Variants in CD226 observed in about 807,000 individuals in gnomAD.
The protein encoded by CD226 is CD226 antigen.
In CD226, 24 loss-of-function variants were observed where a neutral mutation model predicts 34.9. That is an observed-to-expected ratio of 0.69 (90% CI 0.50 to 0.97). CD226 has a LOEUF of 0.97. Among genes scored for constraint, CD226 ranks in the 50% least tolerant of loss-of-function variants. The probability of loss-of-function intolerance (pLI) is 0.00; values close to 1 mark genes in which losing one functional copy is unlikely to be tolerated. For missense variants in CD226, 397 were observed against 412.7 expected, an observed-to-expected ratio of 0.96 and a Z score of 0.33; for synonymous variants, 148 against 147.4, an observed-to-expected ratio of 1.00 and a Z score of -0.03.
Position 69,859,158 on chromosome 18 carries a change from T to A in CD226, c.*5156A>T, listed in dbSNP as rs771426927. On this transcript the variant is annotated 3_prime_UTR_variant, in exon 6 of 6. Coordinates refer to ENST00000582621, the MANE Select transcript of CD226 (RefSeq NM_001303618.2). ...TAGAGTGGATTCTAGGTTTCATGTATTCCTCCCCCTTTTTCTGGATGAAGG... is the reference window on the plus strand; with the variant it reads ...TAGAGTGGATTCTAGGTTTCATGTAATCCTCCCCCTTTTTCTGGATGAAGG... 1 of 152,172 alleles carries A rather than the reference T, an allele frequency of 6.6e-6. No individual in the cohort carries two copies. Among genetic ancestry groups the A allele is most frequent in the African/African-American group, 2.4e-5 (1 of 41,446 alleles). 9.4% of individuals were successfully genotyped at this position (152,172 alleles called of 1,614,324 possible).
chr18:69,912,852 G>C (rs1334775757), intron 2 of CD226, among the ~76,000 whole-genome samples: 1 of 152,040 alleles, frequency 6.6e-6, no homozygotes, highest in Non-Finnish European at 1.5e-5. Context: ...TCAGTCTTTG[G>C]ATCTAATCAC....
chr18:69,922,823 A>C (rs1397326746), intron 2 of CD226, among the ~76,000 whole-genome samples: 3 of 152,162 alleles, frequency 2.0e-5, no homozygotes, highest in African/African-American at 7.2e-5. Flanking sequence ...GCATGAGAGC[A>C]GTTTTGAAAA....
intron 3 of CD226, among the ~76,000 whole-genome samples, chr18:69,895,102 C>T (rs1985188782): frequency 6.6e-6 from 1 of 152,080 alleles, no homozygotes; most frequent in African/African-American, 2.4e-5. Flanking sequence ...CCTGAGGATC[C>T]CTGTGTCCCT....
chr18:69,909,828 A>G (rs1334615349), intron 2 of CD226, among the ~76,000 whole-genome samples: 7 of 152,266 alleles, frequency 4.6e-5, no homozygotes, highest in Non-Finnish European at 1.0e-4. Flanking sequence ...GTAAAGCATT[A>G]CATATGTGAA....
chr18:69,930,797 C>T (rs1234345603), intron 2 of CD226, among the ~76,000 whole-genome samples: 1 of 152,186 alleles, frequency 6.6e-6, no homozygotes, highest in Non-Finnish European at 1.5e-5. Flanking sequence ...TCCCATAGTA[C>T]AGGTGCTCCA....
chr18:69,901,804 G>A (rs1041890587), intron 2 of CD226, among the ~76,000 whole-genome samples: 5 of 151,782 alleles, frequency 3.3e-5, no homozygotes, highest in African/African-American at 7.3e-5. Flanking sequence ...GCGTGAACCC[G>A]GGAGGCAGAG....
In CD226 at chr18:69,907,433, G is replaced by A. The variant is rs1490658761; in HGVS notation, c.383-11388C>T. 8.5e-5 allele frequency among the ~76,000 whole-genome samples: 13 copies of A among 152,174 alleles called. No individual in the cohort carries two copies. In the East Asian group the frequency reaches 2.3e-3, roughly 27 times the overall value. On this transcript the variant is annotated intron_variant, in intron 2 of 5. Coordinates refer to ENST00000582621, the MANE Select transcript of CD226 (RefSeq NM_001303618.2). ...AGCAATTCTGCTGCCTCAGCCTCCC[G>A]AGTAACTGGGATTACAGGCACACAC...
At chr18:69,920,742 C>T (rs2145308524) in intron 2 of CD226, among the ~76,000 whole-genome samples, 1 of 152,220 alleles carries the variant, frequency 6.6e-6, no homozygotes, top group East Asian at 1.9e-4. Context: ...TATTATGACT[C>T]TCATTTTAAA....
At chr18:69,914,804 T>G (rs184432245) in intron 2 of CD226, among the ~76,000 whole-genome samples, 2 of 152,326 alleles carry the variant, frequency 1.3e-5, no homozygotes, top group East Asian at 3.9e-4. Flanking sequence ...GTCAAAGGAA[T>G]TAAAATCAAT....
upstream of CD226, among the ~76,000 whole-genome samples, chr18:69,949,483 C>T (rs17081919): frequency 0.054 from 8,160 of 152,200 alleles, 733 homozygotes; most frequent in African/African-American, 0.19. Flanking sequence ...AAATGCCGGG[C>T]TAAACCAAGT....
chr18:69,886,434 A>G (rs1170611240), intron 3 of CD226, among the ~76,000 whole-genome samples: 2 of 152,194 alleles, frequency 1.3e-5, no homozygotes, highest in Non-Finnish European at 2.9e-5. Flanking sequence ...GACCAGGTGC[A>G]GTGGCTCACG....
At chr18:69,896,233 G>A in intron 2 of CD226, 188 bp from the exon 3 acceptor site, 1 of 799,050 alleles carries the variant, frequency 1.3e-6, no homozygotes, top group East Asian at 1.3e-4. Context: ...CCAGACTAGA[G>A]TGCAGTGGTG....
At chr18:69,913,506 ACT>A (rs904103354) in intron 2 of CD226, among the ~76,000 whole-genome samples, 1 of 152,194 alleles carries the variant, frequency 6.6e-6, no homozygotes, top group African/African-American at 2.4e-5. Context: ...GCCTAAAGCA[ACT>A]CTAGAATTTT....
Position 69,860,215 on chromosome 18 carries a change from C to T in CD226, c.*4099G>A, listed in dbSNP as rs1480092655. On this transcript the variant is annotated 3_prime_UTR_variant, in exon 6 of 6. Coordinates refer to ENST00000582621, the MANE Select transcript of CD226 (RefSeq NM_001303618.2). ...ATTTTTCCCTGCTATTTCTCCATGG[C>T]AAATGAAAGTAGTGATCGTGAAACA... 1 of 152,136 alleles carries T rather than the reference C, an allele frequency of 6.6e-6. No individual in the cohort carries two copies. Among genetic ancestry groups the T allele is most frequent in the African/African-American group, 2.4e-5 (1 of 41,446 alleles). The allele number at this position is 152,136 out of a possible 1,614,324, so 9.4% of individuals were successfully genotyped here.
chr18:69,955,555 G>T (rs1414135333), intron 1 of CD226, among the ~76,000 whole-genome samples: 1 of 152,112 alleles, frequency 6.6e-6, no homozygotes. Flanking sequence ...GCTGTTAAGA[G>T]GCTCATACTT....
At chr18:69,925,574 C>G (rs2055510741) in intron 2 of CD226, among the ~76,000 whole-genome samples, 1 of 152,108 alleles carries the variant, frequency 6.6e-6, no homozygotes, top group Admixed American at 6.5e-5. Flanking sequence ...CCCTTTCTCA[C>G]TCATCCAATC....
chr18:69,887,027 T>C (rs1172875423), intron 3 of CD226, among the ~76,000 whole-genome samples: 4 of 152,186 alleles, frequency 2.6e-5, no homozygotes, highest in African/African-American at 9.6e-5. Context: ...ACCCATCTCA[T>C]CTCTCTTTTT....
At chr18:69,945,218 G>C (rs1201217256) in intron 2 of CD226, among the ~76,000 whole-genome samples, 6 of 152,152 alleles carry the variant, frequency 3.9e-5, no homozygotes, top group Non-Finnish European at 5.9e-5. Flanking sequence ...GAAATAATAA[G>C]ATGTATCATT....
In CD226 at chr18:69,854,846, A is replaced by C. The variant is rs927481328; in HGVS notation, c.*9468T>G. ...CTTAGTACTACACCAACAGGGCTCC[A>C]GTATAGTAACAGTGAATTGCAGAGG... On this transcript the variant is annotated 3_prime_UTR_variant, in exon 6 of 6. Coordinates refer to ENST00000582621, the MANE Select transcript of CD226 (RefSeq NM_001303618.2). The C allele has an allele frequency of 6.6e-6, 1 of 152,320 alleles. No individual in the cohort carries two copies. Among genetic ancestry groups the C allele is most frequent in the Admixed American group, 6.5e-5 (1 of 15,286 alleles). The allele number at this position is 152,320 out of a possible 1,614,324, so 9.4% of individuals were successfully genotyped here. A position where few individuals can be genotyped will look rare whatever the true frequency, so the allele number is the denominator to read the frequency against.
Sources: gnomAD v4.1 joint callset for allele counts (sites outside exome capture counted in the v4.1 genomes callset) on GRCh38, gnomAD v4.1.1 for gene constraint, MANE v1.5 for transcripts, NCBI Gene and HGNC (gene_info 2026-07-23, HGNC 2026-07-21) for gene names.